MOB1B: variants seen among roughly 807,000 people sequenced by gnomAD.
MOB1B encodes the protein MOB kinase activator 1B, also known as MOB1 Mps One Binder homolog B.
MOB1B carries 19 observed loss-of-function variants against 24.4 expected under a neutral mutation model. The ratio of observed to expected loss-of-function variants is 0.78; its 90% CI spans 0.54 to 1.14. The LOEUF (loss-of-function observed/expected upper bound fraction) is 1.14, where lower values mean the gene tolerates loss of function less well. Ranked by LOEUF, MOB1B falls within the 50% of genes most tolerant of loss-of-function variation. The pLI, the probability that MOB1B is intolerant of heterozygous loss-of-function variation, is 0.00. For missense variants in MOB1B, 243 were observed against 259.6 expected, an observed-to-expected ratio of 0.94 and a Z score of 0.44; for synonymous variants, 76 against 82.1, an observed-to-expected ratio of 0.93 and a Z score of 0.40.
At chr4:70,912,233 A>G (rs939510534) in intron 1 of MOB1B, among the ~76,000 whole-genome samples, 4 of 151,152 alleles carry the variant, frequency 2.6e-5, no homozygotes, top group Non-Finnish European at 5.9e-5. Flanking sequence ...AATTAAGTAT[A>G]AGTGTAGCTG....
At chr4:70,957,269 A>C (rs1269520586) in intron 1 of MOB1B, among the ~76,000 whole-genome samples, 2 of 150,592 alleles carry the variant, frequency 1.3e-5, no homozygotes, top group Non-Finnish European at 3.0e-5. Flanking sequence ...CAAAAAAAAA[A>C]AAAAAAAAAC....
intron 1 of MOB1B, among the ~76,000 whole-genome samples, chr4:70,937,264 G>A (rs572624071): frequency 1.3e-5 from 2 of 151,434 alleles, no homozygotes; most frequent in African/African-American, 4.9e-5. Context: ...TTTTATATGG[G>A]ACTTCTTTTT....
chr4:70,960,279 G>A (rs918810432), intron 2 of MOB1B, among the ~76,000 whole-genome samples: 4 of 152,038 alleles, frequency 2.6e-5, no homozygotes, highest in Admixed American at 6.6e-5. Context: ...AGAGAATAAC[G>A]TATGAATAGT....
intron 1 of MOB1B, among the ~76,000 whole-genome samples, chr4:70,948,386 T>A (rs1454698661): frequency 6.6e-6 from 1 of 152,150 alleles, no homozygotes; most frequent in Non-Finnish European, 1.5e-5. Flanking sequence ...TTAGTAACCA[T>A]CTCCACAGTC....
chr4:70,929,410 C>G (rs1736789942), intron 1 of MOB1B, among the ~76,000 whole-genome samples: 3 of 151,580 alleles, frequency 2.0e-5, no homozygotes, highest in African/African-American at 7.3e-5. Flanking sequence ...AACTCCTGAC[C>G]TCAAGTGATC....
chr4:70,964,591 C>T (rs997567190), intron 2 of MOB1B, among the ~76,000 whole-genome samples: 2 of 152,176 alleles, frequency 1.3e-5, no homozygotes, highest in African/African-American at 4.8e-5. Flanking sequence ...AAGCATCCAT[C>T]TCCAGAGGTT....
intron 1 of MOB1B, among the ~76,000 whole-genome samples, chr4:70,926,718 C>T (rs976897179): frequency 2.0e-5 from 3 of 152,052 alleles, no homozygotes; most frequent in Non-Finnish European, 4.4e-5. Context: ...TAGAAATAAA[C>T]AAGATGTGCC....
chr4:70,908,901 A>G (rs1735866047), intron 1 of MOB1B, among the ~76,000 whole-genome samples: 1 of 151,322 alleles, frequency 6.6e-6, no homozygotes, highest in South Asian at 2.1e-4. Context: ...AATAGAAAAA[A>G]GTAGCTGGGC....
rs1467186942 is a variant in MOB1B at position 70,969,924 on chromosome 4, T to A, written c.182-7T>A. ...TGTTTTACTTACAACTGATACTTGC[T>A]TTACAGCTGTGGATTTCTTCAATCA... On this transcript the variant is annotated splice_polypyrimidine_tract_variant and splice_region_variant and intron_variant, in intron 2 of 5. Transcript: ENST00000309395. 1.3e-6 allele frequency: 2 copies of A among 1,541,666 alleles called. No individual in the cohort carries two copies. Among genetic ancestry groups the A allele is most frequent in the African/African-American group, 2.7e-5 (2 of 73,318 alleles).
At chr4:70,965,391 T>G (rs954992995) in intron 2 of MOB1B, among the ~76,000 whole-genome samples, 2 of 149,888 alleles carry the variant, frequency 1.3e-5, no homozygotes, top group African/African-American at 4.9e-5. Flanking sequence ...ATTTTAATAT[T>G]TTAAAAATAA....
In MOB1B at chr4:70,902,404, C is replaced by G. The variant is rs929801410; in HGVS notation, c.-133C>G. On this transcript the variant is annotated 5_prime_UTR_variant, in exon 1 of 6. Transcript: ENST00000309395. Reference sequence around the variant, plus strand: ...GCTGAGCCGAACTAGTTGCGGCCACCGAGCAGCCGGCTCTCGGCACCTCCT... The same window carrying G: ...GCTGAGCCGAACTAGTTGCGGCCACGGAGCAGCCGGCTCTCGGCACCTCCT... 1.0e-5 allele frequency: 10 copies of G among 958,126 alleles called. No individual in the cohort carries two copies. Among genetic ancestry groups the G allele is most frequent in the East Asian group, 2.6e-5 (1 of 37,806 alleles). The allele number at this position is 958,126 out of a possible 1,614,324, so 59.4% of individuals were successfully genotyped here. A position where few individuals can be genotyped will look rare whatever the true frequency, so the allele number is the denominator to read the frequency against.
intron 1 of MOB1B, among the ~76,000 whole-genome samples, chr4:70,943,055 G>A (rs1737414930): frequency 6.6e-6 from 1 of 152,158 alleles, no homozygotes; most frequent in African/African-American, 2.4e-5. Context: ...TAAGTGTATA[G>A]TTAAAAGAGT....
At chr4:70,930,216 T>G (rs1736836317) in intron 1 of MOB1B, among the ~76,000 whole-genome samples, 1 of 152,216 alleles carries the variant, frequency 6.6e-6, no homozygotes, top group Admixed American at 6.5e-5. Flanking sequence ...TCTTAGTTTT[T>G]TTTTGATATT....
intron 2 of MOB1B, 94 bp downstream of exon 2, chr4:70,959,134 A>C (rs1332081393): frequency 4.1e-6 from 4 of 975,376 alleles, no homozygotes; most frequent in East Asian, 4.9e-5. Flanking sequence ...GGATTTAGTT[A>C]GTAAGCTAAT....
intron 2 of MOB1B, among the ~76,000 whole-genome samples, chr4:70,965,568 C>T (rs774633572): frequency 2.5e-4 from 37 of 150,870 alleles, no homozygotes; most frequent in Admixed American, 4.0e-4. Context: ...GAGGCTGAGG[C>T]GGGTGGATCA....
At chr4:70,940,510 G>A (rs1737284045) in intron 1 of MOB1B, among the ~76,000 whole-genome samples, 1 of 152,100 alleles carries the variant, frequency 6.6e-6, no homozygotes, top group Non-Finnish European at 1.5e-5. Context: ...TTAACATGGT[G>A]GTGACTTGCC....
intron 1 of MOB1B, among the ~76,000 whole-genome samples, chr4:70,953,408 A>G (rs1377970127): frequency 6.6e-6 from 1 of 152,216 alleles, no homozygotes; most frequent in Non-Finnish European, 1.5e-5. Context: ...AGTATTCTGC[A>G]GGAATAAAGC....
At chr4:70,941,322 C>G (rs1291942484) in intron 1 of MOB1B, among the ~76,000 whole-genome samples, 1 of 152,098 alleles carries the variant, frequency 6.6e-6, no homozygotes, top group Non-Finnish European at 1.5e-5. Flanking sequence ...TCTGCTGCAA[C>G]TTAAGAAATT....
chr4:70,940,676 ATT>A (rs796738977), intron 1 of MOB1B, among the ~76,000 whole-genome samples: 18 of 141,578 alleles, frequency 1.3e-4, no homozygotes, highest in Admixed American at 2.1e-4. Flanking sequence ...TAGGGCATTA[ATT>A]TTTTTTTTTT....
Sources: allele counts gnomAD v4.1 joint callset (sites outside exome capture counted in the v4.1 genomes callset), GRCh38; gene constraint gnomAD v4.1.1; transcripts MANE v1.5; gene names NCBI Gene and HGNC (gene_info 2026-07-23, HGNC 2026-07-21).